The following LURAP1L variants were observed in gnomAD, a reference collection of about 807,000 sequenced individuals.
LURAP1L encodes leucine rich adaptor protein 1-like.
LURAP1L carries 12 observed loss-of-function variants against 13.8 expected under a neutral mutation model. The ratio of observed to expected loss-of-function variants is 0.87; its 90% confidence interval spans 0.56 to 1.41. The LOEUF (loss-of-function observed/expected upper bound fraction) is 1.41. LURAP1L is among the 40% of genes most tolerant of loss of function. LURAP1L has a pLI of 0.00. For missense variants in LURAP1L, 375 were observed against 292.9 expected (o/e 1.28, Z -2.04); for synonymous variants, 139 against 119.2 (o/e 1.17, Z -1.08).
chr9:12,783,672 G>C (rs1176172582), intron 1 of LURAP1L, among the ~76,000 whole-genome samples: 1 of 151,688 alleles, frequency 6.6e-6, no homozygotes, highest in Non-Finnish European at 1.5e-5. Flanking sequence ...CTCTTTTTTT[G>C]ATACGTCTTT....
At chr9:12,787,373 G>A (rs1044157314) in intron 1 of LURAP1L, among the ~76,000 whole-genome samples, 1 of 152,090 alleles carries the variant, frequency 6.6e-6, no homozygotes, top group Non-Finnish European at 1.5e-5. Context: ...TGGCTTCAAA[G>A]CACAACTTAA....
At chr9:12,797,763 T>C (rs575857338) in intron 1 of LURAP1L, among the ~76,000 whole-genome samples, 8 of 152,302 alleles carry the variant, frequency 5.3e-5, no homozygotes, top group African/African-American at 1.7e-4. Flanking sequence ...ACAGAGCTTT[T>C]TTAACAAATT....
intron 1 of LURAP1L, among the ~76,000 whole-genome samples, chr9:12,780,320 A>G (rs964966225): frequency 6.6e-6 from 1 of 152,144 alleles, no homozygotes; most frequent in Non-Finnish European, 1.5e-5. Context: ...GGTTGAAAAC[A>G]CATCCATCTG....
At chr9:12,811,940 T>G (rs1033344858) in intron 1 of LURAP1L, among the ~76,000 whole-genome samples, 1 of 152,120 alleles carries the variant, frequency 6.6e-6, no homozygotes, top group Non-Finnish European at 1.5e-5. Context: ...CCCAGCTCAA[T>G]CACATGGCCA....
chr9:12,775,645 G>T lies in LURAP1L; in HGVS notation c.-71G>T. Reference sequence around the variant, plus strand: ...CCCGGAGAGGTCTGCTGATTTCGCAGCAGCCTTCGAAGCCGTGGCTGCCTT... The same window carrying T: ...CCCGGAGAGGTCTGCTGATTTCGCATCAGCCTTCGAAGCCGTGGCTGCCTT... On this transcript the variant is annotated 5_prime_UTR_variant, in exon 1 of 2. Coordinates refer to ENST00000319264, the MANE Select transcript of LURAP1L (RefSeq NM_203403.2). The T allele has an allele frequency of 2.0e-6, 3 of 1,510,944 alleles. No homozygotes were observed. The highest frequency in any genetic ancestry group is 2.6e-6 in the Non-Finnish European group (3 of 1,133,486). 93.6% of individuals were successfully genotyped at this position (1,510,944 alleles called of 1,614,324 possible).
intron 1 of LURAP1L, among the ~76,000 whole-genome samples, chr9:12,802,174 T>C (rs1819595972): frequency 1.3e-5 from 2 of 152,196 alleles, no homozygotes; most frequent in South Asian, 4.1e-4. Context: ...TAGTACATTT[T>C]ACCCACACTA....
intron 1 of LURAP1L, among the ~76,000 whole-genome samples, chr9:12,797,588 TAGTTTGAGCAAA>T (rs1348359086): frequency 6.6e-6 from 1 of 152,180 alleles, no homozygotes; most frequent in East Asian, 1.9e-4. Flanking sequence ...ATTCTAGTAA[TAGTTTGAGCAAA>T]AGTTTGAGCT....
At chr9:12,792,488 A>G (rs1038672439) in intron 1 of LURAP1L, among the ~76,000 whole-genome samples, 13 of 152,142 alleles carry the variant, frequency 8.5e-5, no homozygotes, top group Admixed American at 6.6e-5. Flanking sequence ...TGAATGTAAC[A>G]TTTGCAGCAT....
chr9:12,809,298 A>G (rs1461729095), intron 1 of LURAP1L, among the ~76,000 whole-genome samples: 2 of 152,128 alleles, frequency 1.3e-5, no homozygotes, highest in Non-Finnish European at 2.9e-5. Context: ...CAGTTCTTAG[A>G]TACTCTGTTC....
In LURAP1L at chr9:12,797,012, G is replaced by A. The variant is rs150071534; in HGVS notation, c.312+20985G>A. ...TTAAAGGCTAGAAGTTATTGTTTAT[G>A]CTATTATTATCACTGGGGTTCTTTC... is the stretch of plus-strand genomic sequence containing the variant. On this transcript the variant is annotated intron_variant, in intron 1 of 1. Transcript: ENST00000319264. 1.2e-4 allele frequency among the ~76,000 whole-genome samples: 19 copies of A among 152,048 alleles called. No homozygotes were observed. The East Asian group carries it at 3.7e-3, about 29-fold the overall frequency.
At chr9:12,777,646 C>T (rs1819208318) in intron 1 of LURAP1L, 3 of 869,586 alleles carry the variant, frequency 3.4e-6, no homozygotes, top group Non-Finnish European at 4.1e-6. Flanking sequence ...GACACTCAGA[C>T]ACAATTTAGA....
At chr9:12,779,205 T>C (rs973360309) in intron 1 of LURAP1L, among the ~76,000 whole-genome samples, 12 of 152,034 alleles carry the variant, frequency 7.9e-5, no homozygotes, top group Non-Finnish European at 1.6e-4. Flanking sequence ...GACTTTACTA[T>C]GTGTAAGACA....
chr9:12,782,087 A>AT (rs1819280849), intron 1 of LURAP1L, among the ~76,000 whole-genome samples: 1 of 152,100 alleles, frequency 6.6e-6, no homozygotes, highest in Non-Finnish European at 1.5e-5. Flanking sequence ...TCTTTTGTCT[A>AT]TTTTTTAATC....
intron 1 of LURAP1L, among the ~76,000 whole-genome samples, chr9:12,779,575 T>G (rs1819241497): frequency 6.6e-6 from 1 of 152,248 alleles, no homozygotes; most frequent in African/African-American, 2.4e-5. Flanking sequence ...CGGCCGAAAC[T>G]TTATAATCTT....
In LURAP1L at chr9:12,822,703, A is replaced by G. The variant is rs1169288686; in HGVS notation, c.*943A>G. On this transcript the variant is annotated 3_prime_UTR_variant, in exon 2 of 2. Coordinates refer to ENST00000319264, the MANE Select transcript of LURAP1L (RefSeq NM_203403.2). Reference sequence around the variant, plus strand: ...ATTCATTTAAGAAGTCTAATATGATATACATTCATCCTAGTATAAATAAAT... The same window carrying G: ...ATTCATTTAAGAAGTCTAATATGATGTACATTCATCCTAGTATAAATAAAT... Among the ~76,000 whole-genome samples, 6 of 152,306 alleles carry G rather than the reference A, an allele frequency of 3.9e-5. No homozygotes were observed. In the South Asian group the frequency reaches 6.2e-4, roughly 16 times the overall value.
chr9:12,812,328 T>C (rs920638313), intron 1 of LURAP1L, among the ~76,000 whole-genome samples: 2 of 152,154 alleles, frequency 1.3e-5, no homozygotes, highest in Non-Finnish European at 1.5e-5. Context: ...GTGAGCAAAA[T>C]TTAAATTTTA....
chr9:12,809,119 CTCAT>C (rs2118531958), intron 1 of LURAP1L, among the ~76,000 whole-genome samples: 1 of 152,250 alleles, frequency 6.6e-6, no homozygotes, highest in South Asian at 2.1e-4. Flanking sequence ...AGAATGATAA[CTCAT>C]TCATTATCAT....
At chr9:12,807,980 T>C (rs1365990244) in intron 1 of LURAP1L, among the ~76,000 whole-genome samples, 1 of 152,178 alleles carries the variant, frequency 6.6e-6, no homozygotes, top group East Asian at 1.9e-4. Flanking sequence ...ACAAGTACTA[T>C]ATAAAACAGT....
rs950400695 is a variant in LURAP1L at position 12,821,843 on chromosome 9, T to C, written c.*83T>C. The C allele has an allele frequency of 6.8e-7, 1 of 1,480,646 alleles. No individual in the cohort carries two copies. Among genetic ancestry groups the C allele is most frequent in the Non-Finnish European group, 9.0e-7 (1 of 1,109,824 alleles). The allele number at this position is 1,480,646 out of a possible 1,614,324, so 91.7% of individuals were successfully genotyped here. On this transcript the variant is annotated 3_prime_UTR_variant, in exon 2 of 2. Transcript: ENST00000319264. ...GCTGCTATATTTTTGGTGTGATTTTTATTTTAATAAGATGACCTTTTTAAA... is the reference window on the plus strand; with the variant it reads ...GCTGCTATATTTTTGGTGTGATTTTCATTTTAATAAGATGACCTTTTTAAA...
Sources: allele counts gnomAD v4.1 joint callset (sites outside exome capture counted in the v4.1 genomes callset), GRCh38; gene constraint gnomAD v4.1.1; transcripts MANE v1.5; gene names NCBI Gene and HGNC (gene_info 2026-07-23, HGNC 2026-07-21).